Variants in TRIM55 observed in about 807,000 individuals in gnomAD.
TRIM55 encodes the protein tripartite motif containing 55.
TRIM55 carries 50 observed loss-of-function variants against 60.9 expected under a neutral mutation model. That is an observed-to-expected ratio of 0.82 (90% CI 0.65 to 1.04). The LOEUF (loss-of-function observed/expected upper bound fraction) is 1.04, where lower values mean the gene tolerates loss of function less well. Among genes scored for constraint, TRIM55 ranks in the 50% least tolerant of loss-of-function variants. TRIM55 has a pLI of 0.00. For missense variants in TRIM55, 681 were observed against 666.9 expected (o/e 1.02, Z -0.23); for synonymous variants, 237 against 238.1 (o/e 1.00, Z 0.04).
At chr8:66,134,656 A>G (rs1282472176) in intron 2 of TRIM55, among the ~76,000 whole-genome samples, 2 of 152,108 alleles carry the variant, frequency 1.3e-5, no homozygotes, top group Non-Finnish European at 2.9e-5. Context: ...CAGGAATTTC[A>G]CTACCAGATT....
At chr8:66,130,245 TA>T (rs2128972966) in intron 2 of TRIM55, among the ~76,000 whole-genome samples, 1 of 152,336 alleles carries the variant, frequency 6.6e-6, no homozygotes, top group East Asian at 1.9e-4. Context: ...GTAAATTGCG[TA>T]AAAGCAATGA....
At chr8:66,139,246 C>T (rs112125136) in intron 4 of TRIM55, among the ~76,000 whole-genome samples, 2,184 of 152,166 alleles carry the variant, frequency 0.014, 67 homozygotes, top group African/African-American at 0.05. Flanking sequence ...TGTGGGTGAG[C>T]GAGGTAATCT....
chr8:66,131,781 C>T (rs1364650130), intron 2 of TRIM55, among the ~76,000 whole-genome samples: 3 of 152,200 alleles, frequency 2.0e-5, no homozygotes, highest in Non-Finnish European at 4.4e-5. Flanking sequence ...GTAAGCTTCT[C>T]ACTGCAGGAA....
intron 9 of TRIM55, among the ~76,000 whole-genome samples, chr8:66,156,924 T>A (rs985457262): frequency 6.6e-6 from 1 of 152,150 alleles, no homozygotes; most frequent in Non-Finnish European, 1.5e-5. Flanking sequence ...TCAGACATTA[T>A]CTGTGGTAAA....
chr8:66,155,498 G>A (rs1810685988), intron 9 of TRIM55: 2 of 622,676 alleles, frequency 3.2e-6, no homozygotes, highest in Admixed American at 3.2e-5. Context: ...TCTGAAAACA[G>A]TAGTGCACTA....
At chr8:66,114,257 C>G in the TRIM55 span, among the ~76,000 whole-genome samples, 2 of 152,166 alleles carry the variant, frequency 1.3e-5, no homozygotes, top group South Asian at 4.1e-4. Flanking sequence ...TGCCCGCATC[C>G]TCCAGTTTTC....
chr8:66,171,403 GTC>G (rs1811624294), intron 9 of TRIM55, among the ~76,000 whole-genome samples: 1 of 152,188 alleles, frequency 6.6e-6, no homozygotes. Context: ...CTACATCCAT[GTC>G]TCTGCAAAAG....
chr8:66,162,651 G>C (rs1811117731), intron 9 of TRIM55, among the ~76,000 whole-genome samples: 1 of 151,980 alleles, frequency 6.6e-6, no homozygotes, highest in Non-Finnish European at 1.5e-5. Context: ...TCTGGTCCTA[G>C]ACCTTTTTTT....
At chr8:66,115,397 G>T in the TRIM55 span, among the ~76,000 whole-genome samples, 9 of 152,270 alleles carry the variant, frequency 5.9e-5, no homozygotes, top group African/African-American at 1.9e-4. Flanking sequence ...GTAAGAAAAA[G>T]AATTATTTTA....
rs747785288 is a variant in TRIM55 at position 66,135,121 on chromosome 8, T to C, written c.473T>C (p.Val158Ala). 6.2e-7 allele frequency: 1 copy of C among 1,614,196 alleles called. No homozygotes were observed. Among genetic ancestry groups the C allele is most frequent in the South Asian group, 1.1e-5 (1 of 91,072 alleles). Residue 158 changes from valine to alanine, a missense_variant, in exon 3 of 10, where the codon GTG becomes GCG. Coordinates refer to ENST00000315962, the MANE Select transcript of TRIM55 (RefSeq NM_184085.2). The stretch of plus-strand genomic sequence containing the variant: ...TTTGGTGCACACAAAGACTGCCAGG[T>C]GGCTCCCCTCACTCATGTGTTCCAG... The part of the protein sequence containing the change: ...KVFGAHKDCQ[V>A]APLTHVFQRQ...
chr8:66,154,101 C>T lies in TRIM55; in HGVS notation c.1291C>T (p.Pro431Ser). The T allele has an allele frequency of 6.2e-7, 1 of 1,613,954 alleles. No homozygotes were observed. The highest frequency in any genetic ancestry group is 8.5e-7 in the Non-Finnish European group (1 of 1,179,984). The change falls in exon 9 of 10, where the codon CCT becomes TCT. Residue 431 changes from proline (P) to serine (S), a missense_variant. Physicochemically the swap from Pro to Ser is moderately conservative, Grantham distance 74. Transcript: ENST00000315962. ...GACCACAGAGTCTGAAACTCCAGTCCCTGCAGCAGCAGAAACTGCGGATCC... is the reference window on the plus strand; with the variant it reads ...GACCACAGAGTCTGAAACTCCAGTCTCTGCAGCAGCAGAAACTGCGGATCC... The part of the protein sequence containing the change: ...EQTTESETPV[P>S]AAAETADPLF...
the TRIM55 span, among the ~76,000 whole-genome samples, chr8:66,117,345 G>A: frequency 7.9e-5 from 12 of 152,214 alleles, no homozygotes; most frequent in African/African-American, 9.6e-5. Context: ...GTCTCTGTAC[G>A]CACATCTAAC....
chr8:66,152,304 A>G, intron 7 of TRIM55, 73 bp from the exon 8 acceptor site: 1 of 1,503,042 alleles, frequency 6.7e-7, no homozygotes, highest in Non-Finnish European at 8.8e-7. Flanking sequence ...TAGGGCTATA[A>G]GCACTGGCCA....
At chr8:66,152,151 G>A (rs980579988) in intron 7 of TRIM55, 26 of 586,696 alleles carry the variant, frequency 4.4e-5, no homozygotes, top group Middle Eastern at 4.5e-4. Flanking sequence ...ACTTTGTACT[G>A]GGGAGGAGAA....
intron 2 of TRIM55, among the ~76,000 whole-genome samples, chr8:66,133,014 G>A (rs1226436362): frequency 6.6e-6 from 1 of 152,176 alleles, no homozygotes; most frequent in Non-Finnish European, 1.5e-5. Context: ...CAGCATGTGG[G>A]ACCCAAGCTG....
chr8:66,171,341 G>A (rs539252798), intron 9 of TRIM55, among the ~76,000 whole-genome samples: 2 of 151,148 alleles, frequency 1.3e-5, no homozygotes, highest in South Asian at 2.1e-4. Flanking sequence ...GAGAACATGT[G>A]GTATTTGGTT....
chr8:66,146,315 CT>C (rs57571350), intron 4 of TRIM55, among the ~76,000 whole-genome samples: 12,407 of 151,944 alleles, frequency 0.082, 830 homozygotes, highest in African/African-American at 0.19. Context: ...TAAAATAATG[CT>C]TGGAATTGCA....
In TRIM55 at chr8:66,152,547, G is replaced by A; in HGVS notation, c.1156G>A (p.Ala386Thr). 1.2e-6 allele frequency: 2 copies of A among 1,614,138 alleles called. No homozygotes were observed. The highest frequency in any genetic ancestry group is 2.7e-5 in the African/African-American group (2 of 75,034). ...ASELSQVELQ[A>T]APGALPVSSP... ...AGAGCTCTCTCAGGTGGAGCTGCAG[G>A]CTGCCCCTGGGGCACTTCCAGTTTC... The change falls in exon 8 of 10, where the codon GCT (alanine) becomes ACT (threonine). Residue 386 changes from alanine (A) to threonine (T), a missense_variant. Transcript: ENST00000315962.
chr8:66,138,287 A>G (rs1414433367), intron 4 of TRIM55, among the ~76,000 whole-genome samples: 6 of 152,186 alleles, frequency 3.9e-5, no homozygotes, highest in Admixed American at 1.3e-4. Context: ...CTTATAAAAT[A>G]CGTATTGTGT....
Sources: gnomAD v4.1 joint callset for allele counts (sites outside exome capture counted in the v4.1 genomes callset) on GRCh38, gnomAD v4.1.1 for gene constraint, MANE v1.5 for transcripts, NCBI Gene and HGNC (gene_info 2026-07-23, HGNC 2026-07-21) for gene names.